The following CASP2 variants were observed in gnomAD, a reference collection of about 807,000 sequenced individuals.
The protein encoded by CASP2 is caspase-2.
Under a neutral mutation model 54.4 loss-of-function variants are expected in CASP2, and 38 were observed. That is an observed-to-expected ratio of 0.70 (90% CI 0.54 to 0.92). CASP2 has a LOEUF of 0.92. CASP2 is among the 40% of genes least tolerant of loss of function. The pLI, the probability that CASP2 is intolerant of heterozygous loss-of-function variation, is 0.00. For missense variants in CASP2, 512 were observed against 579.6 expected, an observed-to-expected ratio of 0.88 and a Z score of 1.20; for synonymous variants, 215 against 216.3, an observed-to-expected ratio of 0.99 and a Z score of 0.05.
chr7:143,294,265 C>T lies in CASP2; in HGVS notation c.511C>T (p.Pro171Ser), dbSNP rs1801676495. Residue 171 changes from proline to serine, a missense_variant, in exon 5 of 11, where the codon CCT becomes TCT. Around this residue, in one of 3 missense-constraint regions of CASP2, gnomAD observed 417 missense variants for 495.4 expected, o/e 0.84. Coordinates refer to ENST00000310447, the MANE Select transcript of CASP2 (RefSeq NM_032982.4). ...VEHSLDNKDG[P>S]VCLQVKPCTP... ...ACACTCCCTAGACAATAAAGATGGT[C>T]CTGTCTGCCTTCAGGTGAAGCCTTG... The T allele has an allele frequency of 7.4e-6, 12 of 1,612,014 alleles. No individual in the cohort carries two copies. Among genetic ancestry groups the T allele is most frequent in the African/African-American group, 1.3e-5 (1 of 74,882 alleles).
chr7:143,298,354 A>G (rs887441954), intron 6 of CASP2, among the ~76,000 whole-genome samples: 3 of 152,232 alleles, frequency 2.0e-5, no homozygotes, highest in African/African-American at 7.2e-5. Flanking sequence ...CCCATCTCAG[A>G]AGACCCAGAC....
intron 8 of CASP2, 54 bp downstream of exon 8, chr7:143,300,348 C>T (rs1240999914): frequency 1.9e-6 from 3 of 1,607,148 alleles, no homozygotes; most frequent in Non-Finnish European, 2.5e-6. Flanking sequence ...CAGCCTCCCA[C>T]CAGCTCTCAC....
In CASP2 at chr7:143,295,150, C is replaced by T. The variant is rs4647305; in HGVS notation, c.747+377C>T. On this transcript the variant is annotated intron_variant, in intron 6 of 10. Transcript: ENST00000310447. ...TCAAGCGATTCTCCTGCCTCAGCTT[C>T]CTGAGTAGCTGGAACTGCAGGCGCA... Among the ~76,000 whole-genome samples the T allele has an allele frequency of 1.3e-3, 204 of 152,220 alleles. 1 individual carries two copies. Among genetic ancestry groups the T allele is most frequent in the African/African-American group, 3.6e-3 (151 of 41,518 alleles).
intron 4 of CASP2, 89 bp from the exon 5 acceptor site, chr7:143,294,141 G>T (rs1023654255): frequency 1.1e-5 from 9 of 808,246 alleles, no homozygotes; most frequent in Non-Finnish European, 1.8e-5. Context: ...TCACAACCCA[G>T]TTGCAAGAGA....
intron 1 of CASP2, among the ~76,000 whole-genome samples, chr7:143,288,943 A>T (rs1324604951): frequency 6.6e-6 from 1 of 152,224 alleles, no homozygotes; most frequent in Non-Finnish European, 1.5e-5. Flanking sequence ...GCTCTGCCTG[A>T]TGTGCATTTG....
At chr7:143,304,612 A>C in intron 9 of CASP2, 62 bp from the exon 10 acceptor site, 1 of 1,210,944 alleles carries the variant, frequency 8.3e-7, no homozygotes, top group South Asian at 1.2e-5. Context: ...GGCCGAGTCT[A>C]GTTTGGGAAG....
rs991399152 is a variant in CASP2, at chr7:143,300,513, G to A, written c.967+219G>A. On this transcript the variant is annotated intron_variant, in intron 8 of 10. Coordinates refer to ENST00000310447, the MANE Select transcript of CASP2 (RefSeq NM_032982.4). ...TGGCTCTCAGGCTGGTCAGCTCTCC[G>A]TGCACCACCATATCCTGTTTTCAGG... The A allele has an allele frequency of 6.3e-5, 99 of 1,577,952 alleles. No homozygotes were observed. In the Middle Eastern group the frequency reaches 6.7e-4, roughly 11 times the overall value.
chr7:143,293,970 A>G (rs573392481), intron 4 of CASP2, among the ~76,000 whole-genome samples: 2 of 152,300 alleles, frequency 1.3e-5, no homozygotes, highest in Non-Finnish European at 2.9e-5. Flanking sequence ...CATCCTAGTG[A>G]TTGGAACGAG....
intron 6 of CASP2, among the ~76,000 whole-genome samples, chr7:143,295,820 A>C (rs1322428418): frequency 6.6e-6 from 1 of 152,204 alleles, no homozygotes. Context: ...CAATGTAGTT[A>C]AATCCACCCT....
At chr7:143,294,466 A>G (rs1352352649) in intron 5 of CASP2, 131 bp from the exon 6 acceptor site, 1 of 1,062,052 alleles carries the variant, frequency 9.4e-7, no homozygotes. Flanking sequence ...TTCTGTGAGC[A>G]TTTGTCTATT....
chr7:143,296,098 G>T (rs1375874234), intron 6 of CASP2, among the ~76,000 whole-genome samples: 1 of 152,088 alleles, frequency 6.6e-6, no homozygotes, highest in East Asian at 1.9e-4. Flanking sequence ...AATAGTTAAA[G>T]ATAAAATACT....
intron 6 of CASP2, chr7:143,298,565 G>A (rs748313860): frequency 2.6e-5 from 4 of 152,236 alleles, no homozygotes; most frequent in Non-Finnish European, 5.9e-5. Flanking sequence ...TAGAGGCTGA[G>A]GCAAGAAGAT....
rs143572840 is a variant in CASP2, at chr7:143,288,476, G to T, written c.21G>T (p.Gly7=). Residue 7 remains glycine, a synonymous_variant, in exon 1 of 11, where the codon GGG becomes GGT. Transcript: ENST00000310447. ...GGGAAATGGCGGCGCCGAGCGCGGG[G>T]TCTTGGTCCACCTTCCAGCACAAGG... MAAPSA[G]SWSTFQHKEL... is the part of the protein sequence containing the mutation. The T allele has an allele frequency of 6.2e-7, 1 of 1,613,272 alleles. No homozygotes were observed. The highest frequency in any genetic ancestry group is 8.5e-7 in the Non-Finnish European group (1 of 1,179,686).
intron 6 of CASP2, 138 bp downstream of exon 6, chr7:143,294,911 G>C: frequency 1.3e-6 from 1 of 773,650 alleles, no homozygotes; most frequent in Non-Finnish European, 2.2e-6. Flanking sequence ...TACTCACTCT[G>C]TTCTGCCTCT....
rs1340212761 is a variant in CASP2, at chr7:143,305,563, T to G, written c.*492T>G. The G allele has an allele frequency of 7.4e-6, 2 of 270,594 alleles. No homozygotes were observed. Among genetic ancestry groups the G allele is most frequent in the East Asian group, 9.2e-5 (1 of 10,894 alleles). The allele number at this position is 270,594 out of a possible 1,614,324, so 16.8% of individuals were successfully genotyped here. A position where few individuals can be genotyped will look rare whatever the true frequency, so the allele number is the denominator to read the frequency against. ...TCCAAATTTAATGTAGACATTATCTTTTGGCTCTGAAGAAGCAAACATGAC... is the reference window on the plus strand; with the variant it reads ...TCCAAATTTAATGTAGACATTATCTGTTGGCTCTGAAGAAGCAAACATGAC... On this transcript the variant is annotated 3_prime_UTR_variant, in exon 11 of 11. Transcript: ENST00000310447.
At position 143,294,598 on chromosome 7, in the gene CASP2, C is replaced by A; in HGVS notation, c.572C>A (p.Ala191Glu). 6.2e-7 allele frequency: 1 copy of A among 1,613,946 alleles called. No homozygotes were observed. The highest frequency in any genetic ancestry group is 2.2e-5 in the East Asian group (1 of 44,884). Residue 191 changes from alanine (A) to glutamate (E), a missense_variant and splice_region_variant, in exon 6 of 11, where the codon GCA becomes GAA. Transcript: ENST00000310447. ...GTCTAACTGGCCTCTCCTCCACAGG[C>A]ATATAGGTTGCAGTCTCGGCCTCGT... ...PEFYQTHFQL[A>E]YRLQSRPRGL...
Position 143,292,358 on chromosome 7 carries a change from G to T in CASP2, c.284G>T (p.Gly95Val). The part of the protein sequence containing the change: ...VELLNLLPKR[G>V]PQAFDAFCEA... Reference sequence around the variant, plus strand: ...CTCCTCAACTTGCTGCCTAAGAGGGGTCCCCAAGCTTTTGATGCCTTCTGT... The same window carrying T: ...CTCCTCAACTTGCTGCCTAAGAGGGTTCCCCAAGCTTTTGATGCCTTCTGT... The change falls in exon 3 of 11, where the codon GGT becomes GTT. Residue 95 changes from glycine to valine, a missense_variant. Gly to Val is a moderately radical substitution (Grantham distance 109, BLOSUM62 -3). Coordinates refer to ENST00000310447, the MANE Select transcript of CASP2 (RefSeq NM_032982.4). 1.2e-6 allele frequency: 2 copies of T among 1,614,178 alleles called. No individual in the cohort carries two copies. The highest frequency in any genetic ancestry group is 1.7e-6 in the Non-Finnish European group (2 of 1,180,040).
chr7:143,303,909 A>G lies in CASP2; in HGVS notation c.1093A>G (p.Ile365Val). 6.2e-7 allele frequency: 1 copy of G among 1,605,150 alleles called. No individual in the cohort carries two copies. The highest frequency in any genetic ancestry group is 8.5e-7 in the Non-Finnish European group (1 of 1,175,450). The change falls in exon 9 of 11, where the codon ATA becomes GTA. Residue 365 changes from isoleucine to valine, a missense_variant. This residue lies in a region of CASP2 where 417 missense variants were observed against 495.4 expected (regional missense o/e 0.84). Transcript: ENST00000310447. ...GAGACTGCCCACGCGCTCAGACATGATATGCGGCTATGCCTGCCTCAAAGG... is the reference window on the plus strand; with the variant it reads ...GAGACTGCCCACGCGCTCAGACATGGTATGCGGCTATGCCTGCCTCAAAGG... ...KMRLPTRSDM[I>V]CGYACLKGTA... is the part of the protein sequence containing the mutation.
At position 143,291,520 on chromosome 7, in the gene CASP2, C is replaced by T; in HGVS notation, c.75-20C>T. Reference sequence around the variant, plus strand: ...TCAAATTGTGACTTGACAGCCTTTCCTTCTACCGTTTATCTGTAGGATATT... The same window carrying T: ...TCAAATTGTGACTTGACAGCCTTTCTTTCTACCGTTTATCTGTAGGATATT... On this transcript the variant is annotated intron_variant, in intron 1 of 10. Coordinates refer to ENST00000310447, the MANE Select transcript of CASP2 (RefSeq NM_032982.4). 1 of 1,613,818 alleles carries T rather than the reference C, an allele frequency of 6.2e-7. No individual in the cohort carries two copies.
Sources: allele counts gnomAD v4.1 joint callset (sites outside exome capture counted in the v4.1 genomes callset), GRCh38; gene constraint gnomAD v4.1.1; regional missense constraint gnomAD v4.1.1; transcripts MANE v1.5; gene names NCBI Gene and HGNC (gene_info 2026-07-23, HGNC 2026-07-21).